Variants in EFHD1 observed in about 807,000 individuals in gnomAD.
EFHD1 encodes EF-hand domain-containing protein D1.
Under a neutral mutation model 17.2 loss-of-function variants are expected in EFHD1, and 10 were observed. The ratio of observed to expected loss-of-function variants is 0.58; its 90% CI spans 0.36 to 0.99. The LOEUF is 0.99. Ranked by LOEUF, EFHD1 falls within the 50% of genes least tolerant of loss-of-function variation. EFHD1 has a pLI of 0.01. For missense variants in EFHD1, 310 were observed against 327.5 expected (o/e 0.95, Z 0.41); for synonymous variants, 153 against 142.0 (o/e 1.08, Z -0.55).
At chr2:232,678,614 G>T (rs151227117) in intron 3 of EFHD1, among the ~76,000 whole-genome samples, 3 of 151,810 alleles carry the variant, frequency 2.0e-5, no homozygotes, top group African/African-American at 7.3e-5. Flanking sequence ...GAGAAACCTC[G>T]TCTCTACTAA....
intron 1 of EFHD1, among the ~76,000 whole-genome samples, chr2:232,608,546 G>C (rs1026412702): frequency 2.0e-5 from 3 of 152,004 alleles, no homozygotes; most frequent in African/African-American, 7.3e-5. Context: ...TTGATCTATG[G>C]TTGGTTGAAT....
intron 1 of EFHD1, among the ~76,000 whole-genome samples, chr2:232,624,335 C>T (rs1304391525): frequency 1.3e-5 from 2 of 152,174 alleles, no homozygotes; most frequent in Admixed American, 6.5e-5. Flanking sequence ...ACATGGATGA[C>T]AGGAGCCACA....
chr2:232,637,005 G>A (rs1681523548), intron 1 of EFHD1, among the ~76,000 whole-genome samples: 2 of 152,052 alleles, frequency 1.3e-5, no homozygotes, highest in African/African-American at 4.8e-5. Context: ...CGGGTTCTGC[G>A]GAAGGAACTC....
At chr2:232,643,551 A>ATT (rs1207741246) in intron 1 of EFHD1, among the ~76,000 whole-genome samples, 4 of 140,252 alleles carry the variant, frequency 2.9e-5, no homozygotes, top group Non-Finnish European at 4.7e-5. Flanking sequence ...CACCTGGCTA[A>ATT]TTTTTTTTTT....
intron 1 of EFHD1, among the ~76,000 whole-genome samples, chr2:232,637,343 C>CT (rs575182576): frequency 0.27 from 34,270 of 127,656 alleles, 6,148 homozygotes; most frequent in Non-Finnish European, 0.38. Flanking sequence ...CATGGCCTTC[C>CT]TTTTTTTTTT....
rs369474204 is a variant in EFHD1 at position 232,614,145 on chromosome 2, TAC to T, written c.14+7982_14+7983del. On this transcript the variant is annotated intron_variant, in intron 1 of 3. Transcript: ENST00000409613. Reference sequence around the variant, plus strand: ...ACATACATATGTACACACATACATATACACACACACATTTACACATATATACA... The same window carrying T: ...ACATACATATGTACACACATACATATACACACACATTTACACATATATACA... Among the ~76,000 whole-genome samples the T allele has an allele frequency of 2.3e-3, 348 of 151,784 alleles. 3 individuals carry two copies. Among genetic ancestry groups the T allele is most frequent in the African/African-American group, 2.9e-3 (121 of 41,360 alleles).
chr2:232,672,348 CAGG>C lies in EFHD1; in HGVS notation c.495_497del (p.Glu165del), dbSNP rs1359127870. ...CCACAAGGCCGCGGCAGGGGAGCTG[CAGG>C]AGGACAGTGGGCTGATGGCGCTGGC... On this transcript the variant is annotated inframe_deletion, in exon 3 of 4. Coordinates refer to ENST00000264059, the MANE Select transcript of EFHD1 (RefSeq NM_025202.4). 2 of 1,614,188 alleles carry C rather than the reference CAGG, an allele frequency of 1.2e-6. No homozygotes were observed. The highest frequency in any genetic ancestry group is 1.7e-5 in the Admixed American group (1 of 60,010).
intron 2 of EFHD1, among the ~76,000 whole-genome samples, chr2:232,663,816 T>G (rs1694920877): frequency 6.6e-6 from 1 of 151,326 alleles, no homozygotes; most frequent in Admixed American, 6.6e-5. Context: ...TGCGTCTTCT[T>G]TGCTTATCAC....
chr2:232,609,054 CT>C (rs1244427931), intron 1 of EFHD1, among the ~76,000 whole-genome samples: 20,294 of 81,434 alleles, frequency 0.25, 1,953 homozygotes, highest in East Asian at 0.48. Flanking sequence ...TGCATAAGTT[CT>C]TTTTTTTTTT....
chr2:232,609,037 CAT>C (rs111297510), intron 1 of EFHD1, among the ~76,000 whole-genome samples: 9,427 of 144,708 alleles, frequency 0.065, 943 homozygotes, highest in African/African-American at 0.22. Flanking sequence ...ATGTTTAAAA[CAT>C]GAGATGCATA....
chr2:232,642,373 C>CAAAAA (rs764647177), intron 1 of EFHD1, among the ~76,000 whole-genome samples: 6 of 68,974 alleles, frequency 8.7e-5, no homozygotes, highest in Admixed American at 1.8e-4. Context: ...GACTCTGTCT[C>CAAAAA]AAAAAAAAAA....
intron 3 of EFHD1, among the ~76,000 whole-genome samples, chr2:232,677,219 C>CGTACACACACACATCTTTCTATA (rs1384692287): frequency 2.9e-5 from 4 of 138,282 alleles, no homozygotes; most frequent in African/African-American, 8.6e-5. Context: ...CACACACACA[C>CGTACACACACACATCTTTCTATA]ACACACACAC....
chr2:232,659,604 A>G (rs536266445), intron 1 of EFHD1, among the ~76,000 whole-genome samples: 1 of 152,200 alleles, frequency 6.6e-6, no homozygotes, highest in Non-Finnish European at 1.5e-5. Context: ...AGGTGCCCAC[A>G]GGCTACATTT....
intron 1 of EFHD1, among the ~76,000 whole-genome samples, chr2:232,623,232 G>C (rs990699835): frequency 6.6e-6 from 1 of 152,086 alleles, no homozygotes; most frequent in African/African-American, 2.4e-5. Context: ...TTTTTGTAGA[G>C]ATGGGGTCTC....
At position 232,651,207 on chromosome 2, in the gene EFHD1, C is replaced by T. The variant is rs543229791; in HGVS notation, c.303-11595C>T. Among the ~76,000 whole-genome samples the T allele has an allele frequency of 1.2e-4, 18 of 152,322 alleles. No homozygotes were observed. The South Asian group carries it at 3.7e-3, about 32-fold the overall frequency. ...CCTCCCTCCCCAGGCCTCCCACTTT[C>T]AGGAGCTCTGGGGCTGGGAAGGGCA... On this transcript the variant is annotated intron_variant, in intron 1 of 3. Transcript: ENST00000264059.
rs1491340615 is a variant in EFHD1 at position 232,650,561 on chromosome 2, T to TGAGATTGCAGGCGTGAGCCACCA, written c.303-12241_303-12240insGAGATTGCAGGCGTGAGCCACCA. 3.1e-3 allele frequency among the ~76,000 whole-genome samples: 226 copies of TGAGATTGCAGGCGTGAGCCACCA among 72,640 alleles called. 1 individual carries two copies. Among genetic ancestry groups the TGAGATTGCAGGCGTGAGCCACCA allele is most frequent in the South Asian group, 5.2e-3 (9 of 1,744 alleles). 47.7% of individuals were successfully genotyped at this position (72,640 alleles called of 152,430 possible). On this transcript the variant is annotated intron_variant, in intron 1 of 3. Coordinates refer to ENST00000264059, the MANE Select transcript of EFHD1 (RefSeq NM_025202.4). ...CACCCGCCTCGGCCTCCCAAAGTGC[T>TGAGATTGCAGGCGTGAGCCACCA]TTTTTTTTTTTTTTTTTTTTTTTTT...
At chr2:232,635,444 T>G (rs1306618951) in intron 1 of EFHD1, among the ~76,000 whole-genome samples, 4 of 152,172 alleles carry the variant, frequency 2.6e-5, no homozygotes, top group African/African-American at 9.7e-5. Context: ...CTAAGAGTGA[T>G]AAAAAGAGTC....
At chr2:232,679,956 A>C (rs1695246850) in intron 3 of EFHD1, among the ~76,000 whole-genome samples, 1 of 151,996 alleles carries the variant, frequency 6.6e-6, no homozygotes, top group Admixed American at 6.6e-5. Flanking sequence ...TACTTTGGAG[A>C]GCAATTTAAT....
chr2:232,661,011 G>A (rs1240842336), intron 1 of EFHD1, among the ~76,000 whole-genome samples: 1 of 151,960 alleles, frequency 6.6e-6, no homozygotes, highest in East Asian at 1.9e-4. Context: ...AGCTGGGTGT[G>A]GTGGCGCACA....
Sources: gnomAD v4.1 joint callset for allele counts (sites outside exome capture counted in the v4.1 genomes callset) on GRCh38, gnomAD v4.1.1 for gene constraint, MANE v1.5 for transcripts, NCBI Gene and HGNC (gene_info 2026-07-23, HGNC 2026-07-21) for gene names.